The following RPS6KC1 variants were observed in gnomAD, a reference collection of about 807,000 sequenced individuals.
The protein encoded by RPS6KC1 is inactive ribosomal protein S6 kinase delta-1.
RPS6KC1 carries 54 observed loss-of-function variants against 103.8 expected under a neutral mutation model. The observed-to-expected ratio is 0.52, with a 90% confidence interval of 0.42 to 0.65. The LOEUF (loss-of-function observed/expected upper bound fraction) is 0.65. RPS6KC1 is among the 30% of genes least tolerant of loss of function. RPS6KC1 has a pLI of 0.00. For missense variants in RPS6KC1, 1,151 were observed against 1,253.8 expected (o/e 0.92, Z 1.24); for synonymous variants, 439 against 438.7 (o/e 1.00, Z -0.01).
At chr1:213,596,716 C>T in the RPS6KC1 span, among the ~76,000 whole-genome samples, 2 of 152,236 alleles carry the variant, frequency 1.3e-5, no homozygotes, top group Non-Finnish European at 2.9e-5. Context: ...CTAATACTTA[C>T]ATTATTTTCC....
At chr1:213,527,407 CCA>C in the RPS6KC1 span, among the ~76,000 whole-genome samples, 1 of 152,136 alleles carries the variant, frequency 6.6e-6, no homozygotes, top group Non-Finnish European at 1.5e-5. Context: ...GGCTAGAACC[CCA>C]GAGTCAGTAA....
the RPS6KC1 span, among the ~76,000 whole-genome samples, chr1:213,419,306 C>A: frequency 2.7e-3 from 410 of 152,298 alleles, 7 homozygotes; most frequent in African/African-American, 8.2e-3. Context: ...AAAGGGGCTG[C>A]CATTAGCTGG....
chr1:213,154,313 C>T (rs2089612032), intron 6 of RPS6KC1, among the ~76,000 whole-genome samples: 1 of 152,254 alleles, frequency 6.6e-6, no homozygotes, highest in African/African-American at 2.4e-5. Flanking sequence ...GCAGCAAAGC[C>T]AGCCAGGCCT....
At chr1:213,674,489 T>C in the RPS6KC1 span, among the ~76,000 whole-genome samples, 2 of 152,254 alleles carry the variant, frequency 1.3e-5, no homozygotes, top group Non-Finnish European at 2.9e-5. Context: ...TTTATGGCTA[T>C]GTAGTATTCC....
chr1:213,192,746 G>A (rs1262592908), intron 8 of RPS6KC1, among the ~76,000 whole-genome samples: 4 of 151,654 alleles, frequency 2.6e-5, no homozygotes, highest in Non-Finnish European at 5.9e-5. Flanking sequence ...TTTAATTATG[G>A]GTTTGGTTTG....
chr1:213,405,524 G>A, the RPS6KC1 span, among the ~76,000 whole-genome samples: 1 of 152,182 alleles, frequency 6.6e-6, no homozygotes, highest in Admixed American at 6.5e-5. Flanking sequence ...TGGTGTGGTG[G>A]GAGCTTCCAT....
intron 12 of RPS6KC1, among the ~76,000 whole-genome samples, chr1:213,244,275 A>G (rs929198435): frequency 6.6e-6 from 1 of 152,066 alleles, no homozygotes; most frequent in Middle Eastern, 3.4e-3. Flanking sequence ...ACTTAGAAAT[A>G]TATTTGTTAA....
chr1:213,432,331 T>C, the RPS6KC1 span, among the ~76,000 whole-genome samples: 1 of 152,252 alleles, frequency 6.6e-6, no homozygotes, highest in Non-Finnish European at 1.5e-5. Flanking sequence ...TTATGGTTAT[T>C]ACTTTTAGTT....
At chr1:213,445,811 G>A in the RPS6KC1 span, among the ~76,000 whole-genome samples, 50 of 152,290 alleles carry the variant, frequency 3.3e-4, no homozygotes, top group African/African-American at 1.1e-3. Context: ...CTAAGTGGCC[G>A]GTTTCTGGCT....
At chr1:213,081,307 C>A (rs1179503378) in intron 3 of RPS6KC1, among the ~76,000 whole-genome samples, 2 of 152,108 alleles carry the variant, frequency 1.3e-5, no homozygotes, top group African/African-American at 2.4e-5. Flanking sequence ...CCACTCATGG[C>A]AGAAGGGGAA....
At chr1:213,815,198 C>A in the RPS6KC1 span, among the ~76,000 whole-genome samples, 1 of 152,118 alleles carries the variant, frequency 6.6e-6, no homozygotes, top group Non-Finnish European at 1.5e-5. Flanking sequence ...AAGAAGGATG[C>A]GTTTACTTCC....
intron 12 of RPS6KC1, among the ~76,000 whole-genome samples, chr1:213,257,703 A>T (rs1463999956): frequency 6.6e-6 from 1 of 151,098 alleles, no homozygotes; most frequent in Non-Finnish European, 1.5e-5. Flanking sequence ...AGCATTATAA[A>T]TGGAAAGTAA....
the RPS6KC1 span, among the ~76,000 whole-genome samples, chr1:213,731,124 C>A: frequency 6.6e-6 from 1 of 151,992 alleles, no homozygotes; most frequent in Non-Finnish European, 1.5e-5. Flanking sequence ...GTTTTTGTAC[C>A]AATACCATGC....
At chr1:213,304,470 T>C in the RPS6KC1 span, among the ~76,000 whole-genome samples, 12 of 152,098 alleles carry the variant, frequency 7.9e-5, no homozygotes, top group Admixed American at 3.3e-4. Flanking sequence ...TATTTTCTTT[T>C]AGTCTTTTTT....
the RPS6KC1 span, among the ~76,000 whole-genome samples, chr1:213,636,831 C>T: frequency 2.0e-5 from 3 of 152,146 alleles, no homozygotes; most frequent in East Asian, 3.9e-4. Flanking sequence ...CACAGGCAAC[C>T]TACAGAATGG....
the RPS6KC1 span, among the ~76,000 whole-genome samples, chr1:213,690,576 C>A: frequency 5.9e-5 from 9 of 152,296 alleles, no homozygotes; most frequent in South Asian, 1.2e-3. Context: ...GGGCTGATTA[C>A]CTCATTCTCC....
the RPS6KC1 span, among the ~76,000 whole-genome samples, chr1:213,849,594 A>G: frequency 6.6e-6 from 1 of 152,158 alleles, no homozygotes; most frequent in Non-Finnish European, 1.5e-5. Context: ...AGCTATTTTC[A>G]TAAACTCATG....
At chr1:213,171,595 A>C (rs1452050103) in intron 7 of RPS6KC1, among the ~76,000 whole-genome samples, 1 of 152,214 alleles carries the variant, frequency 6.6e-6, no homozygotes. Flanking sequence ...ATGAAAATTA[A>C]TATGTAGAAT....
the RPS6KC1 span, among the ~76,000 whole-genome samples, chr1:213,714,805 G>T: frequency 1.3e-5 from 2 of 152,228 alleles, no homozygotes; most frequent in Non-Finnish European, 2.9e-5. Flanking sequence ...GATAAACGTT[G>T]CTGCCGCTGG....
Sources: gnomAD v4.1 joint callset for allele counts (sites outside exome capture counted in the v4.1 genomes callset) on GRCh38, gnomAD v4.1.1 for gene constraint, MANE v1.5 for transcripts, NCBI Gene and HGNC (gene_info 2026-07-23, HGNC 2026-07-21) for gene names.